Variants in ESRRG observed in about 807,000 individuals in gnomAD.
The protein encoded by ESRRG is estrogen-related receptor gamma.
Under a neutral mutation model 44.0 loss-of-function variants are expected in ESRRG, and 13 were observed. The ratio of observed to expected loss-of-function variants is 0.30; its 90% confidence interval spans 0.19 to 0.47. The LOEUF is 0.47. ESRRG is among the 20% of genes least tolerant of loss of function. The pLI is 1.00. For synonymous variants in ESRRG, 215 were observed against 214.6 expected (o/e 1.00, Z -0.02); for missense variants, 395 against 580.6 (o/e 0.68, Z 3.29).
chr1:216,580,284 G>C (rs560628363), intron 3 of ESRRG, among the ~76,000 whole-genome samples: 21 of 152,138 alleles, frequency 1.4e-4, no homozygotes, highest in African/African-American at 4.8e-4. Context: ...TGAACCTCTT[G>C]TCAATTTTTT....
intron 2 of ESRRG, among the ~76,000 whole-genome samples, chr1:216,655,354 C>T (rs1042684247): frequency 3.9e-5 from 6 of 152,060 alleles, no homozygotes; most frequent in African/African-American, 1.4e-4. Flanking sequence ...GTTCAGGATG[C>T]AGTACTGGCG....
At chr1:216,817,378 A>G (rs2095171684) in intron 2 of ESRRG, among the ~76,000 whole-genome samples, 1 of 152,230 alleles carries the variant, frequency 6.6e-6, no homozygotes, top group African/African-American at 2.4e-5. Context: ...CAACTCCAGG[A>G]AAAATAATAA....
At chr1:216,991,017 C>CGACAGGGAGGT in intron 1 of ESRRG, among the ~76,000 whole-genome samples, 1 of 151,786 alleles carries the variant, frequency 6.6e-6, no homozygotes, top group East Asian at 1.9e-4. Flanking sequence ...GACAGGGAGG[C>CGACAGGGAGGT]GAGCACTACC....
intron 1 of ESRRG, chr1:216,715,200 CATCTGTGACACTATG>C (rs1390632620): frequency 1.0e-6 from 1 of 985,168 alleles, no homozygotes; most frequent in Admixed American, 6.2e-5. Context: ...GTTGCTTTTC[CATCTGTGACACTATG>C]ATCCCATGAC....
intron 1 of ESRRG, among the ~76,000 whole-genome samples, chr1:216,980,387 A>C (rs1382857770): frequency 6.6e-6 from 1 of 152,166 alleles, no homozygotes; most frequent in South Asian, 2.1e-4. Flanking sequence ...GAGACAATGC[A>C]CAATGTTTTA....
intron 3 of ESRRG, among the ~76,000 whole-genome samples, chr1:216,640,421 G>T (rs2066158126): frequency 6.6e-6 from 1 of 151,930 alleles, no homozygotes; most frequent in Non-Finnish European, 1.5e-5. Context: ...AAGCCAGCTG[G>T]CTTGTTCCTT....
At chr1:216,723,582 G>T (rs1175516023), upstream of ESRRG, 4 of 445,622 alleles carry the variant, frequency 9.0e-6, no homozygotes, top group Non-Finnish European at 1.6e-5. Flanking sequence ...TGCACGGAGC[G>T]AGAGGAGCCA....
At chr1:216,953,807 T>C (rs2067414978) in intron 1 of ESRRG, among the ~76,000 whole-genome samples, 1 of 152,136 alleles carries the variant, frequency 6.6e-6, no homozygotes, top group African/African-American at 2.4e-5. Context: ...ATAGCTCAAG[T>C]ATTCTTTTGT....
intron 2 of ESRRG, among the ~76,000 whole-genome samples, chr1:216,857,932 A>G (rs1475259008): frequency 1.3e-5 from 2 of 152,152 alleles, no homozygotes; most frequent in African/African-American, 4.8e-5. Flanking sequence ...AGGAGAAATA[A>G]AATAAGTCAG....
At chr1:216,789,942 G>A (rs2094260872) in intron 2 of ESRRG, among the ~76,000 whole-genome samples, 1 of 152,136 alleles carries the variant, frequency 6.6e-6, no homozygotes, top group South Asian at 2.1e-4. Flanking sequence ...GTACCAGCCA[G>A]GTGGGCAATG....
intron 1 of ESRRG, among the ~76,000 whole-genome samples, chr1:217,035,966 A>C (rs192649759): frequency 5.8e-4 from 88 of 152,342 alleles, no homozygotes; most frequent in Admixed American, 2.1e-3. Context: ...ATTTACAAGA[A>C]GAAAAAACCA....
chr1:216,891,778 CTT>C (rs1317026659), intron 2 of ESRRG, among the ~76,000 whole-genome samples: 1 of 144,426 alleles, frequency 6.9e-6, no homozygotes, highest in Non-Finnish European at 1.5e-5. Flanking sequence ...CAAATATACT[CTT>C]AGTGTGGTGC....
At chr1:216,831,603 C>T (rs1126020) in intron 2 of ESRRG, among the ~76,000 whole-genome samples, 4,829 of 151,840 alleles carry the variant, frequency 0.032, 230 homozygotes, top group African/African-American at 0.1. Context: ...TAATAGAAAT[C>T]GTGAATAATG....
intron 1 of ESRRG, among the ~76,000 whole-genome samples, chr1:217,129,677 T>G (rs1173975491): frequency 6.6e-6 from 1 of 152,190 alleles, no homozygotes; most frequent in African/African-American, 2.4e-5. Flanking sequence ...TGAAGTTATA[T>G]GAAGATAATA....
chr1:216,687,575 T>G (rs2078254719), intron 1 of ESRRG, among the ~76,000 whole-genome samples: 1 of 152,168 alleles, frequency 6.6e-6, no homozygotes, highest in Admixed American at 6.5e-5. Flanking sequence ...CCCCTAAGCT[T>G]GTCAGATCTG....
chr1:217,121,505 G>A (rs1020260523), intron 1 of ESRRG, among the ~76,000 whole-genome samples: 3 of 152,198 alleles, frequency 2.0e-5, no homozygotes, highest in East Asian at 1.9e-4. Flanking sequence ...ACAAGTCTAC[G>A]TGAGAGATGA....
intron 2 of ESRRG, among the ~76,000 whole-genome samples, chr1:216,817,284 A>G (rs913984513): frequency 3.9e-5 from 6 of 152,224 alleles, no homozygotes; most frequent in African/African-American, 1.4e-4. Flanking sequence ...ATGTATTTCA[A>G]TAGAATAGCC....
rs116005373 is a variant in ESRRG, at chr1:217,083,460, C to T, written c.-106+6047G>A. Among the ~76,000 whole-genome samples, 593 of 152,252 alleles carry T rather than the reference C, an allele frequency of 3.9e-3. 4 individuals carry two copies. Among genetic ancestry groups the T allele is most frequent in the African/African-American group, 0.014 (567 of 41,560 alleles). The stretch of plus-strand genomic sequence containing the variant: ...ATCAATCATGCACTAAACTCAGAAT[C>T]GCAGGGGTGAAGTAAGTTGGAGACC... On this transcript the variant is annotated intron_variant, in intron 1 of 7. Transcript: ENST00000359162.
intron 2 of ESRRG, among the ~76,000 whole-genome samples, chr1:216,854,598 C>T (rs1336996548): frequency 1.3e-5 from 2 of 152,056 alleles, no homozygotes; most frequent in Non-Finnish European, 2.9e-5. Context: ...AGCACTCACC[C>T]TTTCCACTTT....
Sources: gnomAD v4.1 joint callset for allele counts (sites outside exome capture counted in the v4.1 genomes callset) on GRCh38, gnomAD v4.1.1 for gene constraint, MANE v1.5 for transcripts, NCBI Gene and HGNC (gene_info 2026-07-23, HGNC 2026-07-21) for gene names.